TUT7: variants seen among roughly 807,000 people sequenced by gnomAD.
TUT7 encodes terminal uridylyl transferase 7.
TUT7 carries 33 observed loss-of-function variants against 165.9 expected under a neutral mutation model. That is an observed-to-expected ratio of 0.20 (90% CI 0.15 to 0.27). The LOEUF (loss-of-function observed/expected upper bound fraction) is 0.27, where lower values mean the gene tolerates loss of function less well. Among genes scored for constraint, TUT7 ranks in the 10% least tolerant of loss-of-function variants. The pLI is 1.00. For missense variants in TUT7, 1,338 were observed against 1,762.3 expected, an observed-to-expected ratio of 0.76 and a Z score of 4.31; for synonymous variants, 552 against 608.1, an observed-to-expected ratio of 0.91 and a Z score of 1.36.
intron 10 of TUT7, among the ~76,000 whole-genome samples, chr9:86,333,755 G>C (rs1029253226): frequency 6.6e-6 from 1 of 152,096 alleles, no homozygotes; most frequent in Non-Finnish European, 1.5e-5. Flanking sequence ...TGTGCTTTTT[G>C]CCTTTCAGCA....
chr9:86,308,147 G>GT, intron 22 of TUT7, among the ~76,000 whole-genome samples: 1 of 152,266 alleles, frequency 6.6e-6, no homozygotes, highest in Middle Eastern at 3.4e-3. Flanking sequence ...CAACAGGAAG[G>GT]TTGTAGAAGT....
chr9:86,299,763 A>G (rs537494859), intron 26 of TUT7, among the ~76,000 whole-genome samples: 5 of 152,338 alleles, frequency 3.3e-5, no homozygotes, highest in African/African-American at 1.2e-4. Flanking sequence ...AGAAAAAAGA[A>G]ATTCATCAAA....
At chr9:86,315,768 T>C (rs1828664692) in intron 17 of TUT7, among the ~76,000 whole-genome samples, 1 of 152,102 alleles carries the variant, frequency 6.6e-6, no homozygotes, top group Admixed American at 6.5e-5. Context: ...TTTTTTATAT[T>C]GTTCTGCCCT....
chr9:86,308,359 G>T, intron 22 of TUT7, 70 bp downstream of exon 22: 4 of 1,399,558 alleles, frequency 2.9e-6, no homozygotes, highest in East Asian at 2.4e-5. Flanking sequence ...GCTCTGCAAG[G>T]AGGAAGAACA....
chr9:86,337,167 T>C (rs1313696110), intron 10 of TUT7: 22 of 371,398 alleles, frequency 5.9e-5, no homozygotes, highest in Non-Finnish European at 6.9e-5. Context: ...CTCAGGACCA[T>C]ACATATTTCA....
chr9:86,312,871 G>A (rs1231527341), intron 17 of TUT7, among the ~76,000 whole-genome samples: 5 of 152,058 alleles, frequency 3.3e-5, no homozygotes, highest in Admixed American at 1.3e-4. Context: ...TGGATTAAGG[G>A]CGGTGCAAGA....
At chr9:86,305,124 C>A (rs1827340013) in intron 23 of TUT7, 68 bp downstream of exon 23, 1 of 1,422,592 alleles carries the variant, frequency 7.0e-7, no homozygotes, top group Non-Finnish European at 9.6e-7. Context: ...AAGCAAGACC[C>A]TGTCTCTATT....
chr9:86,293,989 A>G (rs931442450), intron 26 of TUT7, among the ~76,000 whole-genome samples: 1 of 151,910 alleles, frequency 6.6e-6, no homozygotes, highest in Admixed American at 6.6e-5. Flanking sequence ...CAGGTGATCC[A>G]CCCGCCTCGG....
At chr9:86,350,287 C>T (rs1347838306) in intron 2 of TUT7, among the ~76,000 whole-genome samples, 1 of 152,232 alleles carries the variant, frequency 6.6e-6, no homozygotes, top group Middle Eastern at 3.4e-3. Context: ...ACCAAGATCG[C>T]ACCACTGCAC....
intron 10 of TUT7, among the ~76,000 whole-genome samples, chr9:86,336,088 A>G (rs1487639194): frequency 6.6e-6 from 1 of 152,216 alleles, no homozygotes; most frequent in Non-Finnish European, 1.5e-5. Flanking sequence ...AGAGAAGATC[A>G]AGACACATGA....
intron 17 of TUT7, among the ~76,000 whole-genome samples, chr9:86,313,094 C>T (rs1343047274): frequency 2.7e-5 from 4 of 150,930 alleles, no homozygotes; most frequent in Non-Finnish European, 5.9e-5. Context: ...CTGCCAAATC[C>T]CCCTCTGCGA....
rs546269589 is a variant in TUT7 at position 86,335,730 on chromosome 9, TAGTA to T, written c.1455+1685_1455+1688del. Among the ~76,000 whole-genome samples the T allele has an allele frequency of 5.9e-5, 9 of 152,306 alleles. No individual in the cohort carries two copies. The South Asian group carries it at 1.2e-3, about 21-fold the overall frequency. ...GTAAAATATCTAGCATAAAGATACT[TAGTA>T]AGTATTAGTTCCATTCTCTTCACTT... is the stretch of plus-strand genomic sequence containing the variant. On this transcript the variant is annotated intron_variant, in intron 10 of 26. Coordinates refer to ENST00000375963, the MANE Select transcript of TUT7 (RefSeq NM_024617.4).
At chr9:86,303,261 T>A in intron 24 of TUT7, 60 bp from the exon 25 acceptor site, 1 of 743,794 alleles carries the variant, frequency 1.3e-6, no homozygotes, top group Non-Finnish European at 2.2e-6. Flanking sequence ...AACACAAAAC[T>A]AACCAGATAT....
intron 24 of TUT7, among the ~76,000 whole-genome samples, 175 bp from the exon 25 acceptor site, chr9:86,303,376 C>T (rs1166072150): frequency 6.6e-6 from 1 of 152,138 alleles, no homozygotes; most frequent in East Asian, 1.9e-4. Flanking sequence ...AGGTCTAACT[C>T]AGGATAGTTT....
At position 86,340,023 on chromosome 9, in the gene TUT7, A is replaced by G. The variant is rs1056826265; in HGVS notation, c.1208+13T>C. The G allele has an allele frequency of 3.1e-6, 5 of 1,610,606 alleles. No individual in the cohort carries two copies. In the African/African-American group the frequency reaches 5.3e-5, roughly 17 times the overall value. On this transcript the variant is annotated intron_variant, in intron 8 of 26. Coordinates refer to ENST00000375963, the MANE Select transcript of TUT7 (RefSeq NM_024617.4). ...TTGAGAGTTAGTAAATAAACAGTTT[A>G]AAGAAATGAGACCTTTGCTTTTCTC...
At chr9:86,337,625 C>T in intron 9 of TUT7, 87 bp from the exon 10 acceptor site, 1 of 1,418,104 alleles carries the variant, frequency 7.1e-7, no homozygotes, top group Non-Finnish European at 9.6e-7. Flanking sequence ...TAACCTCATT[C>T]TTGTTTACTA....
At chr9:86,341,359 C>G (rs186534978) in intron 6 of TUT7, among the ~76,000 whole-genome samples, 5 of 152,324 alleles carry the variant, frequency 3.3e-5, no homozygotes, top group African/African-American at 1.2e-4. Flanking sequence ...AAACTGCTAA[C>G]AATATTACCT....
intron 6 of TUT7, among the ~76,000 whole-genome samples, 168 bp downstream of exon 6, chr9:86,342,907 A>G (rs1264941327): frequency 6.6e-6 from 1 of 152,138 alleles, no homozygotes; most frequent in Non-Finnish European, 1.5e-5. Flanking sequence ...TAAGTATGAA[A>G]ATTTGCAGAG....
At chr9:86,338,012 T>C (rs1316261698) in intron 9 of TUT7, among the ~76,000 whole-genome samples, 1 of 152,138 alleles carries the variant, frequency 6.6e-6, no homozygotes, top group Non-Finnish European at 1.5e-5. Context: ...AAATAACAAC[T>C]AAAAGGGCAT....
Sources: gnomAD v4.1 joint callset for allele counts (sites outside exome capture counted in the v4.1 genomes callset) on GRCh38, gnomAD v4.1.1 for gene constraint, MANE v1.5 for transcripts, NCBI Gene and HGNC (gene_info 2026-07-23, HGNC 2026-07-21) for gene names.